The following EHHADH variants were observed in gnomAD, a reference collection of about 807,000 sequenced individuals.
EHHADH encodes the protein enoyl-CoA hydratase and 3-hydroxyacyl CoA dehydrogenase, also known as peroxisomal bifunctional enzyme.
Under a neutral mutation model 64.4 loss-of-function variants are expected in EHHADH, and 48 were observed. That is an observed-to-expected ratio of 0.75 (90% CI 0.59 to 0.95). EHHADH has a LOEUF of 0.95. Among genes scored for constraint, EHHADH ranks in the 40% least tolerant of loss-of-function variants. The pLI, the probability that EHHADH is intolerant of heterozygous loss-of-function variation, is 0.00. For missense variants in EHHADH, 854 were observed against 876.6 expected (o/e 0.97, Z 0.33); for synonymous variants, 308 against 326.7 (o/e 0.94, Z 0.62).
Position 185,246,193 on chromosome 3 carries a change from G to GT in EHHADH, c.178+2220dup, listed in dbSNP as rs559854311. 2,993 of 953,052 alleles carry GT rather than the reference G, an allele frequency of 3.1e-3. 2 individuals carry two copies. Among genetic ancestry groups the GT allele is most frequent in the African/African-American group, 8.8e-3 (525 of 59,352 alleles). The allele number at this position is 953,052 out of a possible 1,614,324, so 59.0% of individuals were successfully genotyped here. A position where few individuals can be genotyped will look rare whatever the true frequency, so the allele number is the denominator to read the frequency against. ...TTCATCAATATCAAATATCTTTTTTGTTTTTTTTTCTTTTTCTTTTGATTA... is the reference window on the plus strand; with the variant it reads ...TTCATCAATATCAAATATCTTTTTTGTTTTTTTTTTCTTTTTCTTTTGATTA... On this transcript the variant is annotated intron_variant, in intron 2 of 6. Transcript: ENST00000231887.
chr3:185,204,523 A>T lies in EHHADH; in HGVS notation c.803T>A (p.Leu268Gln), dbSNP rs746921626. The change falls in exon 6 of 7, where the codon CTG (leucine) becomes CAG (glutamine). Residue 268 changes from leucine (L) to glutamine (Q), a missense_variant. Coordinates refer to ENST00000231887, the MANE Select transcript of EHHADH (RefSeq NM_001966.4). ...YLLQSGQARALQYAFFAERKA... is the reference protein window; with the variant it reads ...YLLQSGQARAQQYAFFAERKA... ...CCTTTCAGCGAAGAAAGCATATTGC[A>T]GGGCTCTAGCCTGCCCTGATTGCAA... 10 of 1,614,214 alleles carry T rather than the reference A, an allele frequency of 6.2e-6. No individual in the cohort carries two copies. In the Admixed American group the frequency reaches 1.5e-4, roughly 24 times the overall value.
chr3:185,213,028 G>A (rs1718585883), intron 5 of EHHADH, among the ~76,000 whole-genome samples: 1 of 137,228 alleles, frequency 7.3e-6, no homozygotes, highest in Non-Finnish European at 1.5e-5. Flanking sequence ...GCTGAGGCAG[G>A]AGAATTGCTT....
chr3:185,193,231 CT>C lies in EHHADH; in HGVS notation c.1166del (p.Lys389ArgfsTer52). On this transcript the variant is annotated frameshift_variant, in exon 7 of 7. Coordinates refer to ENST00000231887, the MANE Select transcript of EHHADH (RefSeq NM_001966.4). LOFTEE classifies it high-confidence loss of function. ...IEAVFEEMSL[K>X]KQVFAELSAV... ...CTGAGAGTTCAGCAAAGACCTGCTT[CT>C]TCAGGCTCATTTCCTCAAATACTGC... The C allele has an allele frequency of 6.2e-7, 1 of 1,605,376 alleles. No homozygotes were observed. The highest frequency in any genetic ancestry group is 1.7e-5 in the Admixed American group (1 of 58,450).
At position 185,193,341 on chromosome 3, in the gene EHHADH, G is replaced by C; in HGVS notation, c.1057C>G (p.Gln353Glu). The stretch of plus-strand genomic sequence containing the variant: ...GGTCCTGACCAAGGGTGGCCGCTCT[G>C]TTGCATTTTGGAGGCTTCTTTTTCC... ...VLEKEASKMQ[Q>E]SGHPWSGPKP... is the part of the protein sequence containing the mutation. Residue 353 changes from glutamine to glutamate, a missense_variant, in exon 7 of 7, where the codon CAG (glutamine) becomes GAG (glutamate). By Grantham distance (29) the Gln-to-Glu change is conservative. Coordinates refer to ENST00000231887, the MANE Select transcript of EHHADH (RefSeq NM_001966.4). 1.2e-6 allele frequency: 2 copies of C among 1,614,002 alleles called. No individual in the cohort carries two copies. The highest frequency in any genetic ancestry group is 1.7e-6 in the Non-Finnish European group (2 of 1,179,966).
intron 2 of EHHADH, 46 bp downstream of exon 2, chr3:185,248,368 G>T: frequency 7.3e-7 from 1 of 1,362,906 alleles, no homozygotes. Context: ...GTCTCAGTCT[G>T]TGGCTGGATT....
chr3:185,206,861 A>G (rs916166683), intron 5 of EHHADH, among the ~76,000 whole-genome samples: 3 of 151,928 alleles, frequency 2.0e-5, no homozygotes, highest in Non-Finnish European at 4.4e-5. Flanking sequence ...TGAAATGACA[A>G]GCCATAAACT....
chr3:185,240,809 A>AT (rs1461534777), intron 2 of EHHADH, among the ~76,000 whole-genome samples: 1 of 151,112 alleles, frequency 6.6e-6, no homozygotes, highest in African/African-American at 2.4e-5. Flanking sequence ...TTCTGTTTTT[A>AT]TTTTTATTTT....
At chr3:185,207,414 A>C (rs745602956) in intron 5 of EHHADH, among the ~76,000 whole-genome samples, 1 of 152,230 alleles carries the variant, frequency 6.6e-6, no homozygotes, top group Non-Finnish European at 1.5e-5. Context: ...GGGATTCAAC[A>C]AGGAAGAAGG....
At chr3:185,228,732 T>C (rs909650952) in intron 4 of EHHADH, among the ~76,000 whole-genome samples, 4 of 152,130 alleles carry the variant, frequency 2.6e-5, no homozygotes, top group Admixed American at 6.5e-5. Flanking sequence ...ATCTTAATAC[T>C]TGCCAGTGAA....
In EHHADH at chr3:185,193,467, C is replaced by T. The variant is rs146637162; in HGVS notation, c.931G>A (p.Gly311Ser). 4.8e-5 allele frequency: 77 copies of T among 1,613,944 alleles called. No individual in the cohort carries two copies. The highest frequency in any genetic ancestry group is 6.4e-5 in the Non-Finnish European group (76 of 1,180,022). Residue 311 changes from glycine to serine, a missense_variant, in exon 7 of 7, where the codon GGC (glycine) becomes AGC (serine). By Grantham distance (56) the Gly-to-Ser change is moderately conservative (BLOSUM62 0). Coordinates refer to ENST00000231887, the MANE Select transcript of EHHADH (RefSeq NM_001966.4). ...GVVGLGTMGR[G>S]IVISFARARI... Reference sequence around the variant, plus strand: ...GCCCTTGCAAAAGAAATGACAATGCCTCGGCCCATTGTTCCCAAGCCTGCA... The same window carrying T: ...GCCCTTGCAAAAGAAATGACAATGCTTCGGCCCATTGTTCCCAAGCCTGCA...
chr3:185,245,855 T>G, intron 2 of EHHADH: 1 of 975,168 alleles, frequency 1.0e-6, no homozygotes. Context: ...TTTCTTTTTC[T>G]CCCCAGCAAC....
intron 6 of EHHADH, among the ~76,000 whole-genome samples, chr3:185,203,384 GA>G (rs1450174244): frequency 1.3e-5 from 2 of 151,850 alleles, no homozygotes; most frequent in African/African-American, 4.8e-5. Context: ...TTAAATATAA[GA>G]AAAAAAGAAA....
chr3:185,252,693 A>C (rs1719782507), intron 1 of EHHADH, among the ~76,000 whole-genome samples: 1 of 152,224 alleles, frequency 6.6e-6, no homozygotes, highest in South Asian at 2.1e-4. Flanking sequence ...TAAATGCAAT[A>C]ATTCATAATG....
At chr3:185,193,555 G>T (rs1369130489) in intron 6 of EHHADH, 68 bp from the exon 7 acceptor site, 3 of 1,534,498 alleles carry the variant, frequency 2.0e-6, no homozygotes, top group Non-Finnish European at 2.6e-6. Context: ...ATTATTCACT[G>T]GATGGAAGGC....
intron 1 of EHHADH, 152 bp downstream of exon 1, chr3:185,253,797 A>T (rs1719817944): frequency 5.1e-6 from 7 of 1,370,002 alleles, no homozygotes; most frequent in African/African-American, 1.5e-5. Context: ...AGAAAGAAAG[A>T]AAAGAAAAAA....
At chr3:185,245,054 T>C (rs1008127555) in intron 2 of EHHADH, among the ~76,000 whole-genome samples, 2 of 152,222 alleles carry the variant, frequency 1.3e-5, no homozygotes, top group Admixed American at 6.5e-5. Context: ...TGATTACTGA[T>C]TGAATTTCTT....
intron 6 of EHHADH, among the ~76,000 whole-genome samples, chr3:185,201,206 T>C (rs1323650446): frequency 6.6e-6 from 1 of 152,032 alleles, no homozygotes; most frequent in Non-Finnish European, 1.5e-5. Context: ...TGAATGTCCC[T>C]GAGTCTGAGG....
chr3:185,210,130 A>G (rs908798517), intron 5 of EHHADH, among the ~76,000 whole-genome samples: 1 of 152,154 alleles, frequency 6.6e-6, no homozygotes, highest in Non-Finnish European at 1.5e-5. Flanking sequence ...GGTGCAATCT[A>G]TGCCATGTAA....
At chr3:185,246,019 A>C in intron 2 of EHHADH, 1 of 1,364,496 alleles carries the variant, frequency 7.3e-7, no homozygotes, top group South Asian at 1.2e-5. Flanking sequence ...CTAGAGCTTC[A>C]TCTTTCTCTA....
Sources: gnomAD v4.1 joint callset for allele counts (sites outside exome capture counted in the v4.1 genomes callset) on GRCh38, gnomAD v4.1.1 for gene constraint, MANE v1.5 for transcripts, NCBI Gene and HGNC (gene_info 2026-07-23, HGNC 2026-07-21) for gene names.